The following TNRC6A variants were observed in gnomAD, a reference collection of about 807,000 sequenced individuals.
TNRC6A encodes the protein trinucleotide repeat containing adaptor 6A.
Under a neutral mutation model 221.2 loss-of-function variants are expected in TNRC6A, and 44 were observed. The ratio of observed to expected loss-of-function variants is 0.20; its 90% confidence interval spans 0.16 to 0.26. The LOEUF (loss-of-function observed/expected upper bound fraction) is 0.26. TNRC6A is among the 10% of genes least tolerant of loss of function. The pLI is 1.00. For missense variants in TNRC6A, 2,199 were observed against 2,404.4 expected, an observed-to-expected ratio of 0.91 and a Z score of 1.79; for synonymous variants, 847 against 838.5, an observed-to-expected ratio of 1.01 and a Z score of -0.18.
chr16:24,666,011 T>C (rs1298486782), intron 2 of TNRC6A, among the ~76,000 whole-genome samples: 1 of 151,898 alleles, frequency 6.6e-6, no homozygotes, highest in African/African-American at 2.4e-5. Flanking sequence ...ACCTTCTGAG[T>C]GTTTGTGAGA....
rs114330553 is a variant in TNRC6A at position 24,812,917 on chromosome 16, C to T, written c.4673-2230C>T. On this transcript the variant is annotated intron_variant, in intron 18 of 24. Coordinates refer to ENST00000395799, the MANE Select transcript of TNRC6A (RefSeq NM_014494.4). Reference sequence around the variant, plus strand: ...TTTTTTTTTTTGAGACCCCAGTTGCCGAGGCTGGAGTGCAGTGGCACAATC... The same window carrying T: ...TTTTTTTTTTTGAGACCCCAGTTGCTGAGGCTGGAGTGCAGTGGCACAATC... Among the ~76,000 whole-genome samples the T allele has an allele frequency of 8.8e-3, 1,114 of 126,798 alleles. 20 individuals are homozygous for T. The highest frequency in any genetic ancestry group is 0.031 in the African/African-American group (1,033 of 33,536). The allele number at this position is 126,798 out of a possible 152,430, so 83.2% of individuals were successfully genotyped here. A position where few individuals can be genotyped will look rare whatever the true frequency, so the allele number is the denominator to read the frequency against.
chr16:24,823,566 G>A lies in TNRC6A; in HGVS notation c.5648G>A (p.Gly1883Asp), dbSNP rs2058812847. 2.5e-6 allele frequency: 4 copies of A among 1,614,160 alleles called. 1 individual carries two copies. In the South Asian group the frequency reaches 4.4e-5, roughly 18 times the overall value. ...CTCGGGTCCAGCCAGAGCCGGCTGGGCTCCCTCGACTGTTCCCACTCATTC... is the reference window on the plus strand; with the variant it reads ...CTCGGGTCCAGCCAGAGCCGGCTGGACTCCCTCGACTGTTCCCACTCATTC... ...QSLGSSQSRL[G>D]SLDCSHSFSS... The change falls in exon 25 of 25, where the codon GGC becomes GAC. Residue 1883 changes from glycine to aspartate, a missense_variant. Physicochemically the swap from Gly to Asp is moderately conservative, Grantham distance 94. This residue lies in a region of TNRC6A where 130 missense variants were observed against 121.7 expected (regional missense o/e 1.07). Transcript: ENST00000395799. The surrounding 1 kb of genome is among the most constrained non-coding windows in gnomAD (Gnocchi z 4.3).
In TNRC6A at chr16:24,777,011, CTAA is replaced by C. The variant is rs1050283165; in HGVS notation, c.250_252del (p.Asn84del). The C allele has an allele frequency of 6.2e-7, 1 of 1,614,120 alleles. No individual in the cohort carries two copies. Among genetic ancestry groups the C allele is most frequent in the Admixed American group, 1.7e-5 (1 of 60,018 alleles). On this transcript the variant is annotated inframe_deletion, in exon 5 of 25. Coordinates refer to ENST00000395799, the MANE Select transcript of TNRC6A (RefSeq NM_014494.4). Reference sequence around the variant, plus strand: ...AACGGCACTTCCACAGCAACCAGCACTAATAATAATGCCAAGCGAGCTACAGCC... The same window carrying C: ...AACGGCACTTCCACAGCAACCAGCACTAATAATGCCAAGCGAGCTACAGCC...
chr16:24,614,302 G>A (rs994959972), intron 1 of TNRC6A, among the ~76,000 whole-genome samples: 2 of 152,182 alleles, frequency 1.3e-5, no homozygotes, highest in South Asian at 4.1e-4. Flanking sequence ...GACAAGTTAC[G>A]TAGTCAAGCC....
chr16:24,802,573 G>A (rs189233744), intron 11 of TNRC6A, among the ~76,000 whole-genome samples: 53 of 152,276 alleles, frequency 3.5e-4, no homozygotes, highest in African/African-American at 1.1e-3. Flanking sequence ...ATGGGACATC[G>A]AAATGGATGT....
intron 1 of TNRC6A, among the ~76,000 whole-genome samples, chr16:24,626,412 A>G (rs1195768133): frequency 6.6e-6 from 1 of 152,138 alleles, no homozygotes; most frequent in Non-Finnish European, 1.5e-5. Flanking sequence ...CGCATGACTC[A>G]TTGCAATGTA....
intron 18 of TNRC6A, among the ~76,000 whole-genome samples, chr16:24,810,873 T>C (rs1337445200): frequency 6.6e-6 from 1 of 151,976 alleles, no homozygotes; most frequent in Non-Finnish European, 1.5e-5. Context: ...CAAGAGAGTT[T>C]CAAAAATTAA....
At chr16:24,726,907 A>G (rs931347136), upstream of TNRC6A, among the ~76,000 whole-genome samples, 1 of 152,200 alleles carries the variant, frequency 6.6e-6, no homozygotes, top group Non-Finnish European at 1.5e-5. Context: ...ACCAAGTTTA[A>G]GTAAGAGATA....
chr16:24,780,355 C>A (rs2057814925), intron 5 of TNRC6A, among the ~76,000 whole-genome samples: 1 of 152,122 alleles, frequency 6.6e-6, no homozygotes, highest in African/African-American at 2.4e-5. Flanking sequence ...CAACTTTAAT[C>A]CTTCCACAGG....
intron 23 of TNRC6A, 131 bp from the exon 24 acceptor site, chr16:24,822,743 T>A: frequency 8.0e-7 from 1 of 1,255,960 alleles, no homozygotes; most frequent in Admixed American, 2.2e-5. Flanking sequence ...AACGTCAGAG[T>A]GTCAGTGAAG....
At chr16:24,763,615 G>C (rs2057409899) in intron 4 of TNRC6A, among the ~76,000 whole-genome samples, 1 of 152,114 alleles carries the variant, frequency 6.6e-6, no homozygotes, top group African/African-American at 2.4e-5. Flanking sequence ...TCTAAACTCA[G>C]GTTTCATAAA....
At position 24,797,536 on chromosome 16, in the gene TNRC6A, C is replaced by CAGTTT. The variant is rs1187556817; in HGVS notation, c.3609_3610insGTTTA (p.Phe1204ValfsTer40). Reference sequence around the variant, plus strand: ...AAACAAGAAGAAGCGTGGATAAATCCATTTGTTAAACAGTTTTCAAACATC... The same window carrying CAGTTT: ...AAACAAGAAGAAGCGTGGATAAATCCAGTTTATTTGTTAAACAGTTTTCAAACATC... On this transcript the variant is annotated frameshift_variant, in exon 10 of 25. Transcript: ENST00000395799. LOFTEE classifies it high-confidence loss of function. 1.9e-6 allele frequency: 3 copies of CAGTTT among 1,611,766 alleles called. No homozygotes were observed. In the Admixed American group the frequency reaches 5.0e-5, roughly 27 times the overall value.
Position 24,633,010 on chromosome 16 carries a change from G to GAA in TNRC6A, n.277-7858_277-7857dup, listed in dbSNP as rs34901021. On this transcript the variant is annotated intron_variant and non_coding_transcript_variant, in intron 1 of 2. Coordinates refer to the TNRC6A transcript ENST00000566108. ...GGTGACAAGAGCAAAACTCAGTCTCGAAAAAAAAAAAAAAAAATCCAGACT... is the reference window on the plus strand; with the variant it reads ...GGTGACAAGAGCAAAACTCAGTCTCGAAAAAAAAAAAAAAAAAAATCCAGACT... Among the ~76,000 whole-genome samples the GAA allele has an allele frequency of 2.1e-3, 275 of 128,942 alleles. 1 individual carries two copies. The highest frequency in any genetic ancestry group is 8.1e-3 in the Middle Eastern group (2 of 248). The allele number at this position is 128,942 out of a possible 152,430, so 84.6% of individuals were successfully genotyped here.
intron 1 of TNRC6A, among the ~76,000 whole-genome samples, chr16:24,632,213 C>T (rs996286878): frequency 5.3e-5 from 8 of 152,168 alleles, no homozygotes; most frequent in African/African-American, 1.9e-4. Context: ...ACACACTTCT[C>T]GTCTCCCATA....
chr16:24,798,009 A>T (rs1567494373), intron 11 of TNRC6A, 43 bp downstream of exon 11: 1 of 1,538,502 alleles, frequency 6.5e-7, no homozygotes, highest in Non-Finnish European at 9.0e-7. Context: ...ATTGAGGGAC[A>T]CGCACATCCA....
chr16:24,792,978 C>A (rs963066852), intron 6 of TNRC6A, among the ~76,000 whole-genome samples: 2 of 151,744 alleles, frequency 1.3e-5, no homozygotes, highest in African/African-American at 4.8e-5. Flanking sequence ...TAGTAGAGAC[C>A]AGGTTTTGCC....
chr16:24,615,034 C>T (rs1900270327), intron 1 of TNRC6A, among the ~76,000 whole-genome samples: 1 of 152,106 alleles, frequency 6.6e-6, no homozygotes, highest in Non-Finnish European at 1.5e-5. Context: ...CACTGCACTC[C>T]AGCCTGGGTG....
rs546976821 is a variant in TNRC6A at position 24,672,273 on chromosome 16, C to T, written n.402+31264C>T. On this transcript the variant is annotated intron_variant and non_coding_transcript_variant, in intron 2 of 2. Coordinates refer to the TNRC6A transcript ENST00000566108. ...AGCAGCTGGGACTACAGGCGCACGC[C>T]GCCACGCCTGGCTAATTTTTTTTTC... Among the ~76,000 whole-genome samples the T allele has an allele frequency of 2.8e-4, 42 of 152,156 alleles. 1 individual carries two copies. The highest frequency in any genetic ancestry group is 9.2e-4 in the African/African-American group (38 of 41,528).
At chr16:24,646,992 G>A (rs1023530089) in intron 2 of TNRC6A, among the ~76,000 whole-genome samples, 13 of 94,434 alleles carry the variant, frequency 1.4e-4, no homozygotes, top group Non-Finnish European at 2.3e-4. Context: ...GTGGTGGTGC[G>A]GATTGACCCC....
Sources: gnomAD v4.1 joint callset for allele counts (sites outside exome capture counted in the v4.1 genomes callset) on GRCh38, gnomAD v4.1.1 for gene constraint, gnomAD v4.1.1 regional missense constraint, Gnocchi (gnomAD v3.1) non-coding constraint, MANE v1.5 for transcripts, NCBI Gene and HGNC (gene_info 2026-07-23, HGNC 2026-07-21) for gene names.